Variants in THRB observed in about 807,000 individuals in gnomAD.
THRB encodes the protein thyroid hormone receptor beta, also known as nuclear receptor subfamily 1 group A member 2.
THRB carries 12 observed loss-of-function variants against 47.8 expected under a neutral mutation model. The observed-to-expected ratio is 0.25, with a 90% CI of 0.16 to 0.41. The LOEUF is 0.41. Among genes scored for constraint, THRB ranks in the 10% least tolerant of loss-of-function variants. The probability of loss-of-function intolerance (pLI) is 1.00; values close to 1 mark genes in which losing one functional copy is unlikely to be tolerated. For missense variants in THRB, 348 were observed against 589.2 expected, an observed-to-expected ratio of 0.59 and a Z score of 4.24; for synonymous variants, 218 against 212.2, an observed-to-expected ratio of 1.03 and a Z score of -0.24.
intron 4 of THRB, among the ~76,000 whole-genome samples, chr3:24,216,140 G>A (rs750855472): frequency 6.6e-6 from 1 of 152,178 alleles, no homozygotes; most frequent in Admixed American, 6.5e-5. Context: ...GATGCTTAAG[G>A]TGTGAGAAGT....
chr3:24,190,187 T>G lies in THRB; in HGVS notation c.170A>C (p.His57Pro). 6.2e-7 allele frequency: 1 copy of G among 1,614,146 alleles called. No individual in the cohort carries two copies. The highest frequency in any genetic ancestry group is 8.5e-7 in the Non-Finnish European group (1 of 1,180,000). The change falls in exon 5 of 11, where the codon CAT becomes CCT. Residue 57 changes from histidine (H) to proline (P), a missense_variant. By Grantham distance (77) the His-to-Pro change is moderately conservative. Coordinates refer to ENST00000646209, the MANE Select transcript of THRB (RefSeq NM_001354712.2). ...STLKNEQSSP[H>P]LIQTTWTSSI... is the part of the protein sequence containing the mutation. ...GCTAGTCCAAGTGGTCTGGATGAGA[T>G]GTGGCGACGACTGTTCATTTTTCAA...
rs11919898 is a variant in THRB, at chr3:24,237,084, G to A, written c.-42-8083C>T. 4.1e-3 allele frequency among the ~76,000 whole-genome samples: 620 copies of A among 152,278 alleles called. 6 individuals carry two copies. The highest frequency in any genetic ancestry group is 0.014 in the African/African-American group (585 of 41,556). On this transcript the variant is annotated intron_variant, in intron 3 of 10. Coordinates refer to ENST00000646209, the MANE Select transcript of THRB (RefSeq NM_001354712.2). The stretch of plus-strand genomic sequence containing the variant: ...TAGTTAGACTGGGCATGAGCCTAAA[G>A]AGGAACATAAAACTCTGAGTTAGTA...
intron 4 of THRB, among the ~76,000 whole-genome samples, chr3:24,193,804 A>G (rs1221507995): frequency 6.6e-6 from 1 of 151,520 alleles, no homozygotes; most frequent in Non-Finnish European, 1.5e-5. Context: ...CATTATATGA[A>G]AAAGACATTT....
At chr3:24,353,688 T>C (rs2063496923) in intron 1 of THRB, among the ~76,000 whole-genome samples, 1 of 152,096 alleles carries the variant, frequency 6.6e-6, no homozygotes, top group Admixed American at 6.6e-5. Flanking sequence ...GGCGATTCCA[T>C]ATGATAAAAA....
At chr3:24,287,376 GTATTTTTATGTGCAT>G (rs1412519756) in intron 3 of THRB, among the ~76,000 whole-genome samples, 1 of 152,158 alleles carries the variant, frequency 6.6e-6, no homozygotes, top group Non-Finnish European at 1.5e-5. Context: ...GTTTGTCACA[GTATTTTTATGTGCAT>G]TATTTTATTT....
intron 4 of THRB, among the ~76,000 whole-genome samples, chr3:24,202,821 T>G (rs2044751778): frequency 6.6e-6 from 1 of 152,166 alleles, no homozygotes; most frequent in African/African-American, 2.4e-5. Context: ...AACTTACAGA[T>G]AGTAAATAGG....
At chr3:24,155,790 C>T (rs757371907) in intron 5 of THRB, among the ~76,000 whole-genome samples, 10 of 152,186 alleles carry the variant, frequency 6.6e-5, no homozygotes, top group Non-Finnish European at 1.3e-4. Context: ...GCGTTGGATT[C>T]TGCCTAGAAA....
At chr3:24,359,699 T>C (rs2063937190) in intron 1 of THRB, among the ~76,000 whole-genome samples, 1 of 152,188 alleles carries the variant, frequency 6.6e-6, no homozygotes, top group African/African-American at 2.4e-5. Context: ...GATTCAAAAC[T>C]ATAAGTATTT....
intron 3 of THRB, among the ~76,000 whole-genome samples, chr3:24,279,649 C>A (rs2054330044): frequency 1.3e-5 from 2 of 151,896 alleles, no homozygotes; most frequent in Admixed American, 6.6e-5. Context: ...CCTGACTCGG[C>A]CTCCCAAAGT....
In THRB at chr3:24,119,695, G is replaced by A. The variant is rs2031304395; in HGVS notation, c.*3189C>T. 6.6e-6 allele frequency: 1 copy of A among 152,344 alleles called. No individual in the cohort carries two copies. Among genetic ancestry groups the A allele is most frequent in the Non-Finnish European group, 1.5e-5 (1 of 68,162 alleles). 9.4% of individuals were successfully genotyped at this position (152,344 alleles called of 1,614,324 possible). On this transcript the variant is annotated 3_prime_UTR_variant, in exon 11 of 11. Transcript: ENST00000646209. ...CACAGGTGAGGGGCTTCGCTGGGCT[G>A]AGGCATCAACAGGTCAAGCGCGTCA...
intron 10 of THRB, among the ~76,000 whole-genome samples, chr3:24,124,924 G>A (rs1399009789): frequency 6.6e-6 from 1 of 152,336 alleles, no homozygotes; most frequent in South Asian, 2.1e-4. Flanking sequence ...CATCACTGGG[G>A]AGGGTGGATT....
At chr3:24,299,279 G>C (rs1269177433) in intron 2 of THRB, among the ~76,000 whole-genome samples, 5 of 129,426 alleles carry the variant, frequency 3.9e-5, no homozygotes, top group Admixed American at 7.6e-5. Flanking sequence ...AAAAAGAAAA[G>C]TAATTCAGGT....
At chr3:24,233,613 A>G (rs935121761) in intron 3 of THRB, among the ~76,000 whole-genome samples, 1 of 137,306 alleles carries the variant, frequency 7.3e-6, no homozygotes, top group African/African-American at 2.7e-5. Context: ...GAAAGAAAGA[A>G]AGAGAAAGAG....
At chr3:24,228,636 G>GAAAA (rs11306713) in intron 4 of THRB, among the ~76,000 whole-genome samples, 1 of 85,064 alleles carries the variant, frequency 1.2e-5, no homozygotes, top group Admixed American at 1.1e-4. Context: ...ATGTCTCAAA[G>GAAAA]AAAAAAAAAA....
chr3:24,207,512 C>G (rs190062171), intron 4 of THRB, among the ~76,000 whole-genome samples: 172 of 151,694 alleles, frequency 1.1e-3, no homozygotes, highest in Middle Eastern at 0.01. Flanking sequence ...AATAAGAGCT[C>G]AGACATCCAG....
chr3:24,139,707 G>A (rs79033606), intron 8 of THRB, among the ~76,000 whole-genome samples: 3,531 of 152,246 alleles, frequency 0.023, 145 homozygotes, highest in African/African-American at 0.081. Context: ...TCTGACTTGA[G>A]TGCTGGTCTT....
chr3:24,481,923 C>A lies in THRB; in HGVS notation c.-261+12729G>T, dbSNP rs749568796. Among the ~76,000 whole-genome samples the A allele has an allele frequency of 4.6e-5, 7 of 151,806 alleles. No individual in the cohort carries two copies. The East Asian group carries it at 9.7e-4, about 21-fold the overall frequency. On this transcript the variant is annotated intron_variant, in intron 1 of 10. Coordinates refer to ENST00000646209, the MANE Select transcript of THRB (RefSeq NM_001354712.2). ...GTAAGTGAGTGCCTATTATTATTAC[C>A]TTTTGCAAACCCTGAGGGATCATTA...
chr3:24,206,876 A>C (rs1049421441), intron 4 of THRB, among the ~76,000 whole-genome samples: 4 of 152,310 alleles, frequency 2.6e-5, no homozygotes, highest in Admixed American at 2.0e-4. Flanking sequence ...AAACCTCTAC[A>C]CAAATAAACT....
In THRB at chr3:24,290,543, G is replaced by C. The variant is rs2055815276; in HGVS notation, c.-43+6683C>G. On this transcript the variant is annotated intron_variant, in intron 3 of 10. Coordinates refer to ENST00000646209, the MANE Select transcript of THRB (RefSeq NM_001354712.2). ...AGTTCCTCCCTAGTTATATTCAAAG[G>C]ACTTTGGTCATTAAAGTTTTGATTC... Among the ~76,000 whole-genome samples the C allele has an allele frequency of 2.0e-5, 3 of 152,138 alleles. No homozygotes were observed. The South Asian group carries it at 6.2e-4, about 32-fold the overall frequency.
Sources: gnomAD v4.1 joint callset for allele counts (sites outside exome capture counted in the v4.1 genomes callset) on GRCh38, gnomAD v4.1.1 for gene constraint, MANE v1.5 for transcripts, NCBI Gene and HGNC (gene_info 2026-07-23, HGNC 2026-07-21) for gene names.